Variants in ATXN7 observed in about 807,000 individuals in gnomAD.
ATXN7 encodes the protein ataxin 7.
Under a neutral mutation model 70.5 loss-of-function variants are expected in ATXN7, and 12 were observed. That is an observed-to-expected ratio of 0.17 (90% CI 0.11 to 0.28). ATXN7 has a LOEUF of 0.28. ATXN7 is among the 10% of genes least tolerant of loss of function. ATXN7 has a pLI of 1.00. For missense variants in ATXN7, 1,256 were observed against 1,131.7 expected (o/e 1.11, Z -1.58); for synonymous variants, 498 against 448.7 (o/e 1.11, Z -1.39).
intron 5 of ATXN7, among the ~76,000 whole-genome samples, chr3:63,978,692 A>C (rs191667574): frequency 6.6e-6 from 1 of 152,280 alleles, no homozygotes; most frequent in East Asian, 1.9e-4. Flanking sequence ...GTTGAGTTGG[A>C]GAATAGAAAT....
chr3:63,971,934 GT>G lies in ATXN7; in HGVS notation c.500-7976del, dbSNP rs1235086921. ...AAAGTGCTGAGTTTTTTTTGTTTTT[GT>G]TTTTGTTTTTGTTTTATGCAGTCTT... On this transcript the variant is annotated intron_variant, in intron 5 of 12. Coordinates refer to ENST00000674280, the MANE Select transcript of ATXN7 (RefSeq NM_001377405.1). 2.0e-5 allele frequency among the ~76,000 whole-genome samples: 3 copies of G among 152,150 alleles called. No individual in the cohort carries two copies. In the East Asian group the frequency reaches 5.8e-4, roughly 29 times the overall value.
chr3:63,976,658 G>A (rs1221478700), intron 5 of ATXN7, among the ~76,000 whole-genome samples: 1 of 152,160 alleles, frequency 6.6e-6, no homozygotes, highest in African/African-American at 2.4e-5. Context: ...CGGGGAGGAT[G>A]GACAGTGATG....
intron 1 of ATXN7, among the ~76,000 whole-genome samples, chr3:63,870,986 C>T (rs1237095581): frequency 6.6e-6 from 1 of 152,178 alleles, no homozygotes; most frequent in African/African-American, 2.4e-5. Flanking sequence ...TTAGTTTCAC[C>T]TTTTCACTCC....
intron 5 of ATXN7, among the ~76,000 whole-genome samples, chr3:63,977,609 A>G (rs1302457616): frequency 2.0e-5 from 3 of 152,126 alleles, no homozygotes; most frequent in Non-Finnish European, 4.4e-5. Context: ...ATTGTTTTGG[A>G]AAAAAATCTA....
intron 4 of ATXN7, 91 bp downstream of exon 4, chr3:63,913,316 C>T (rs1053583303): frequency 7.7e-5 from 93 of 1,212,748 alleles, no homozygotes; most frequent in Non-Finnish European, 1.0e-4. Context: ...CCCACCATAC[C>T]GACTCCCCGA....
chr3:63,920,673 A>T (rs1056914399), intron 4 of ATXN7, among the ~76,000 whole-genome samples: 2 of 151,904 alleles, frequency 1.3e-5, no homozygotes, highest in African/African-American at 4.8e-5. Context: ...CTTTTATAAC[A>T]TTTTTTCTTT....
chr3:63,939,768 A>G (rs1036623804), intron 4 of ATXN7, among the ~76,000 whole-genome samples: 1 of 152,146 alleles, frequency 6.6e-6, no homozygotes, highest in African/African-American at 2.4e-5. Flanking sequence ...CAGCAGCTTC[A>G]CAACTAGGGT....
In ATXN7 at chr3:63,980,156, C is replaced by T. The variant is rs371763698; in HGVS notation, c.741C>T (p.Pro247=). The T allele has an allele frequency of 1.2e-6, 2 of 1,613,976 alleles. No individual in the cohort carries two copies. Among genetic ancestry groups the T allele is most frequent in the Non-Finnish European group, 1.7e-6 (2 of 1,180,026 alleles). Residue 247 remains proline, a synonymous_variant, in exon 6 of 13, where the codon CCC becomes CCT. Coordinates refer to ENST00000674280, the MANE Select transcript of ATXN7 (RefSeq NM_001377405.1). ...ATCCCATTCAGCAAAGTAGAGTTCC[C>T]CATGGTAGAATGTGAGTATGGCCAA... ...PMHPIQQSRV[P]HGRIMTPSVK...
chr3:63,964,245 C>T (rs1359955244), intron 5 of ATXN7, among the ~76,000 whole-genome samples: 2 of 152,038 alleles, frequency 1.3e-5, no homozygotes, highest in East Asian at 1.9e-4. Context: ...GGCAGTTTCT[C>T]GGGCGTCTAT....
At chr3:63,944,039 A>G (rs2074814877) in intron 4 of ATXN7, among the ~76,000 whole-genome samples, 1 of 151,868 alleles carries the variant, frequency 6.6e-6, no homozygotes, top group South Asian at 2.1e-4. Flanking sequence ...TGCCTCCCCT[A>G]CCTCTCCCTT....
intron 1 of ATXN7, among the ~76,000 whole-genome samples, chr3:63,869,136 G>A (rs539844358): frequency 5.9e-5 from 9 of 152,190 alleles, no homozygotes; most frequent in South Asian, 4.1e-4. Context: ...TCATTTATTC[G>A]TGGTGATCAT....
At chr3:63,883,276 G>A (rs1265127551) in intron 1 of ATXN7, among the ~76,000 whole-genome samples, 2 of 152,176 alleles carry the variant, frequency 1.3e-5, no homozygotes, top group South Asian at 2.1e-4. Flanking sequence ...ATAGAGAAAA[G>A]CAGTATTAGA....
In ATXN7 at chr3:63,969,020, G is replaced by A. The variant is rs146430072; in HGVS notation, c.500-10895G>A. Among the ~76,000 whole-genome samples, 1,270 of 152,276 alleles carry A rather than the reference G, an allele frequency of 8.3e-3. 9 individuals are homozygous for A. The highest frequency in any genetic ancestry group is 0.034 in the Middle Eastern group (10 of 294). ...CTTGTCAGACAGTTTTAGGTTCACT[G>A]TTTCTGCTTTCGTTTTTGCATGTCA... On this transcript the variant is annotated intron_variant, in intron 5 of 12. Coordinates refer to ENST00000674280, the MANE Select transcript of ATXN7 (RefSeq NM_001377405.1).
In ATXN7 at chr3:63,996,088, A is replaced by G. The variant is rs1284735910; in HGVS notation, c.2266A>G (p.Ile756Val). The change falls in exon 12 of 13, where the codon ATC (isoleucine) becomes GTC (valine). Residue 756 changes from isoleucine (I) to valine (V), a missense_variant. Coordinates refer to ENST00000674280, the MANE Select transcript of ATXN7 (RefSeq NM_001377405.1). ...CTCAACGGTAACATCTTCCCATAGC[A>G]TCGGCCTCAACTGTGTGACGAATAA... ...YPSTVTSSHS[I>V]GLNCVTNKAN... is the part of the protein sequence containing the mutation. 6.2e-7 allele frequency: 1 copy of G among 1,614,008 alleles called. No homozygotes were observed. Among genetic ancestry groups the G allele is most frequent in the East Asian group, 2.2e-5 (1 of 44,896 alleles).
At chr3:63,930,283 T>C (rs1359817030) in intron 4 of ATXN7, among the ~76,000 whole-genome samples, 1 of 152,180 alleles carries the variant, frequency 6.6e-6, no homozygotes, top group African/African-American at 2.4e-5. Context: ...CTGTCAGTTT[T>C]GTGAAAAGGT....
chr3:63,995,528 C>G lies in ATXN7; in HGVS notation c.1706C>G (p.Thr569Ser), dbSNP rs766687011. ...AGGAAAATCCCACCAGTGCCCAGTA[C>G]CACCTCACCCATCTCCACACGTATT... ...LWKKIPPVPSTTSPISTRIPH... is the reference protein window; with the variant it reads ...LWKKIPPVPSSTSPISTRIPH... Residue 569 changes from threonine (T) to serine (S), a missense_variant, in exon 12 of 13, where the codon ACC becomes AGC. Thr to Ser is a moderately conservative substitution (Grantham distance 58). Transcript: ENST00000674280. 5 of 1,614,128 alleles carry G rather than the reference C, an allele frequency of 3.1e-6. No individual in the cohort carries two copies. Among genetic ancestry groups the G allele is most frequent in the Non-Finnish European group, 4.2e-6 (5 of 1,180,002 alleles).
chr3:63,997,582 C>G (rs747993361), intron 12 of ATXN7: 24 of 1,526,418 alleles, frequency 1.6e-5, no homozygotes, highest in Non-Finnish European at 2.0e-5. Context: ...TTTGCTCTAA[C>G]TTCCAGCTCA....
intron 5 of ATXN7, among the ~76,000 whole-genome samples, chr3:63,967,066 G>T (rs566262747): frequency 6.6e-6 from 1 of 152,254 alleles, no homozygotes; most frequent in Non-Finnish European, 1.5e-5. Flanking sequence ...ACCCTCCCAG[G>T]TAGTTGGGAT....
At chr3:63,913,717 T>C (rs1003860819) in intron 4 of ATXN7, among the ~76,000 whole-genome samples, 1 of 152,210 alleles carries the variant, frequency 6.6e-6, no homozygotes, top group Non-Finnish European at 1.5e-5. Flanking sequence ...GAGTGCATTT[T>C]GGTCAGATTT....
Sources: gnomAD v4.1 joint callset for allele counts (sites outside exome capture counted in the v4.1 genomes callset) on GRCh38, gnomAD v4.1.1 for gene constraint, MANE v1.5 for transcripts, NCBI Gene and HGNC (gene_info 2026-07-23, HGNC 2026-07-21) for gene names.